PARVA: variants seen among roughly 807,000 people sequenced by gnomAD.
PARVA encodes alpha-parvin.
Under a neutral mutation model 52.6 loss-of-function variants are expected in PARVA, and 25 were observed. The observed-to-expected ratio is 0.48, with a 90% CI of 0.35 to 0.66. The LOEUF (loss-of-function observed/expected upper bound fraction) is 0.66. Among genes scored for constraint, PARVA ranks in the 30% least tolerant of loss-of-function variants. The pLI, the probability that PARVA is intolerant of heterozygous loss-of-function variation, is 0.01. For synonymous variants in PARVA, 185 were observed against 179.1 expected (o/e 1.03, Z -0.26); for missense variants, 373 against 450.9 (o/e 0.83, Z 1.56).
chr11:12,427,516 A>C (rs1313478442), intron 1 of PARVA, among the ~76,000 whole-genome samples: 1 of 152,246 alleles, frequency 6.6e-6, no homozygotes, highest in Non-Finnish European at 1.5e-5. Flanking sequence ...TAGTGGAGGC[A>C]GAGGTTAAAT....
At chr11:12,427,399 C>A (rs1333237514) in intron 1 of PARVA, among the ~76,000 whole-genome samples, 1 of 152,180 alleles carries the variant, frequency 6.6e-6, no homozygotes, top group Non-Finnish European at 1.5e-5. Flanking sequence ...GTCTTCATGA[C>A]CCTGTTCAAA....
At chr11:12,434,511 T>C (rs955951552) in intron 1 of PARVA, among the ~76,000 whole-genome samples, 6 of 152,198 alleles carry the variant, frequency 3.9e-5, no homozygotes, top group Middle Eastern at 3.2e-3. Context: ...CTTTTCTGGC[T>C]GTCACAGCCC....
At chr11:12,488,603 C>G (rs1228516089) in intron 4 of PARVA, among the ~76,000 whole-genome samples, 1 of 152,126 alleles carries the variant, frequency 6.6e-6, no homozygotes, top group Non-Finnish European at 1.5e-5. Context: ...AAGGGCAACT[C>G]TTTCAATGAG....
Position 12,511,538 on chromosome 11 carries a change from G to C in PARVA, c.736+5G>C, listed in dbSNP as rs767910822. On this transcript the variant is annotated splice_donor_5th_base_variant and intron_variant, in intron 8 of 12. Coordinates refer to ENST00000334956, the MANE Select transcript of PARVA (RefSeq NM_018222.5). The stretch of plus-strand genomic sequence containing the variant: ...GGGCTCTTTCCGGGAGGCATGGTAA[G>C]TCACATAAGATTGTCCTCTGGCACT... 1.2e-6 allele frequency: 2 copies of C among 1,613,372 alleles called. No individual in the cohort carries two copies. The highest frequency in any genetic ancestry group is 1.7e-6 in the Non-Finnish European group (2 of 1,179,634).
intron 1 of PARVA, among the ~76,000 whole-genome samples, chr11:12,450,905 C>T (rs565775199): frequency 6.6e-6 from 1 of 152,292 alleles, no homozygotes; most frequent in African/African-American, 2.4e-5. Context: ...TTAGATGGTG[C>T]CCACCCAGAC....
chr11:12,488,501 C>G (rs372249334), intron 4 of PARVA, among the ~76,000 whole-genome samples: 8 of 152,100 alleles, frequency 5.3e-5, no homozygotes, highest in Non-Finnish European at 1.0e-4. Context: ...TTTAAAGGGT[C>G]ACACATACAG....
At chr11:12,402,727 A>G (rs1319460368) in intron 1 of PARVA, among the ~76,000 whole-genome samples, 1 of 152,182 alleles carries the variant, frequency 6.6e-6, no homozygotes, top group Non-Finnish European at 1.5e-5. Flanking sequence ...CTTCTTCACA[A>G]TTTCAAAGAG....
In PARVA at chr11:12,534,289, A is replaced by T. The variant is rs1270932852; in HGVS notation, c.*6364A>T. On this transcript the variant is annotated 3_prime_UTR_variant, in exon 13 of 13. Coordinates refer to ENST00000334956, the MANE Select transcript of PARVA (RefSeq NM_018222.5). ...CTGGAAGTTTTGAAATTCCAGAAATATGCTTGGAAATCCCCGCTTGAAATC... is the reference window on the plus strand; with the variant it reads ...CTGGAAGTTTTGAAATTCCAGAAATTTGCTTGGAAATCCCCGCTTGAAATC... Among the ~76,000 whole-genome samples, 1 of 152,224 alleles carries T rather than the reference A, an allele frequency of 6.6e-6. No homozygotes were observed. The highest frequency in any genetic ancestry group is 1.5e-5 in the Non-Finnish European group (1 of 68,040).
chr11:12,525,770 T>C (rs903933053), intron 12 of PARVA, among the ~76,000 whole-genome samples: 2 of 151,700 alleles, frequency 1.3e-5, no homozygotes, highest in African/African-American at 2.4e-5. Context: ...AAACAGAATC[T>C]GGGAGCTCCA....
intron 7 of PARVA, among the ~76,000 whole-genome samples, chr11:12,510,152 C>T (rs1318286310): frequency 6.6e-6 from 1 of 152,102 alleles, no homozygotes; most frequent in Non-Finnish European, 1.5e-5. Flanking sequence ...CACATGAAGC[C>T]ATGATTACAC....
chr11:12,431,892 AGTT>A (rs933611708), intron 1 of PARVA, among the ~76,000 whole-genome samples: 1 of 152,186 alleles, frequency 6.6e-6, no homozygotes, highest in African/African-American at 2.4e-5. Context: ...TGAATCTAGC[AGTT>A]GTTGGAAATT....
chr11:12,513,434 G>T, intron 9 of PARVA, 74 bp downstream of exon 9: 1 of 1,333,264 alleles, frequency 7.5e-7, no homozygotes, highest in Non-Finnish European at 1.1e-6. Flanking sequence ...CATCCCTGCA[G>T]CTTGCGAGCT....
chr11:12,511,331 T>C (rs1412751906), intron 7 of PARVA, among the ~76,000 whole-genome samples, 183 bp from the exon 8 acceptor site: 3 of 152,130 alleles, frequency 2.0e-5, no homozygotes, highest in Non-Finnish European at 4.4e-5. Context: ...TCTCAATAAT[T>C]GGAGGCCGTG....
intron 1 of PARVA, among the ~76,000 whole-genome samples, chr11:12,438,447 T>C (rs750281693): frequency 1.3e-5 from 2 of 151,834 alleles, no homozygotes; most frequent in Non-Finnish European, 2.9e-5. Flanking sequence ...TTATCAGGAG[T>C]CCACTCCCAG....
chr11:12,397,002 C>T (rs538421811), intron 1 of PARVA, among the ~76,000 whole-genome samples: 2 of 150,356 alleles, frequency 1.3e-5, no homozygotes, highest in Admixed American at 6.7e-5. Context: ...TGTTTATATA[C>T]AGCTGCAATA....
chr11:12,389,694 G>C (rs1014170476), intron 1 of PARVA, among the ~76,000 whole-genome samples: 1 of 152,206 alleles, frequency 6.6e-6, no homozygotes, highest in Non-Finnish European at 1.5e-5. Flanking sequence ...GTTTCAGCTG[G>C]TTTTGACAGA....
chr11:12,449,524 T>C (rs1940595549), intron 1 of PARVA, among the ~76,000 whole-genome samples: 1 of 152,220 alleles, frequency 6.6e-6, no homozygotes. Context: ...ACCTTCCCTG[T>C]TTCTGTCAAT....
At chr11:12,484,703 G>C (rs755213809) in intron 4 of PARVA, among the ~76,000 whole-genome samples, 2 of 151,918 alleles carry the variant, frequency 1.3e-5, no homozygotes, top group Non-Finnish European at 2.9e-5. Context: ...ATGCTGTCTT[G>C]TGGAAACTCA....
chr11:12,376,673 TGTGA>T (rs1429929031), upstream of PARVA: 14 of 945,918 alleles, frequency 1.5e-5, no homozygotes, highest in Non-Finnish European at 1.8e-5. Flanking sequence ...GCCAAGGTGC[TGTGA>T]GTCTGTGTGT....
Sources: allele counts gnomAD v4.1 joint callset (sites outside exome capture counted in the v4.1 genomes callset), GRCh38; gene constraint gnomAD v4.1.1; transcripts MANE v1.5; gene names NCBI Gene and HGNC (gene_info 2026-07-23, HGNC 2026-07-21).